Variants in C22orf15 observed in about 807,000 individuals in gnomAD.
C22orf15 encodes chromosome 22 open reading frame 15.
Under a neutral mutation model 20.3 loss-of-function variants are expected in C22orf15, and 21 were observed. The ratio of observed to expected loss-of-function variants is 1.04; its 90% CI spans 0.74 to 1.49. The LOEUF is 1.49. Ranked by LOEUF, C22orf15 falls within the 40% of genes most tolerant of loss-of-function variation. The probability of loss-of-function intolerance (pLI) is 0.00; values close to 1 mark genes in which losing one functional copy is unlikely to be tolerated. For missense variants in C22orf15, 170 were observed against 191.1 expected (o/e 0.89, Z 0.65); for synonymous variants, 78 against 75.4 (o/e 1.03, Z -0.18).
At position 23,764,278 on chromosome 22, in the gene C22orf15, C is replaced by A. The variant is rs1926264237; in HGVS notation, c.131C>A (p.Ala44Asp). 1 of 1,551,678 alleles carries A rather than the reference C, an allele frequency of 6.4e-7. No homozygotes were observed. The highest frequency in any genetic ancestry group is 1.7e-4 in the Middle Eastern group (1 of 5,992). The change falls in exon 3 of 6, where the codon GCT becomes GAT. Residue 44 changes from alanine (A) to aspartate (D), a missense_variant. By Grantham distance (126) the Ala-to-Asp change is moderately radical. Transcript: ENST00000402217. ...LPPDATIALL[A>D]EDGNLVSLEE... ...CTCCCAGCGACCATTGCTCTCCTGGCTGAGGATGGCAACCTAGTGAGCCTG... is the reference window on the plus strand; with the variant it reads ...CTCCCAGCGACCATTGCTCTCCTGGATGAGGATGGCAACCTAGTGAGCCTG...
Position 23,763,186 on chromosome 22 carries a change from C to A in C22orf15, c.-121C>A. On this transcript the variant is annotated 5_prime_UTR_variant, in exon 1 of 6. Coordinates refer to ENST00000402217, the MANE Select transcript of C22orf15 (RefSeq NM_182520.3). ...TGGGACCCAGCCATCCACACTCACA[C>A]ATCCACTTCTCCCTCCAGAGCCCGG... 2.9e-6 allele frequency: 4 copies of A among 1,359,866 alleles called. No individual in the cohort carries two copies. Among genetic ancestry groups the A allele is most frequent in the South Asian group, 1.3e-5 (1 of 78,624 alleles). 84.2% of individuals were successfully genotyped at this position (1,359,866 alleles called of 1,614,324 possible).
intron 5 of C22orf15, chr22:23,765,140 T>G: frequency 7.0e-7 from 1 of 1,434,962 alleles, no homozygotes; most frequent in Non-Finnish European, 9.1e-7. Flanking sequence ...GGCCGGAATG[T>G]CCTCAGGCTT....
At chr22:23,764,060 C>T in intron 1 of C22orf15, 27 bp from the exon 2 acceptor site, 2 of 1,547,496 alleles carry the variant, frequency 1.3e-6, no homozygotes, top group East Asian at 2.4e-5. Context: ...AGAGATCTCA[C>T]AGGCTCACCT....
At chr22:23,764,037 T>G (rs1360767654) in intron 1 of C22orf15, 50 bp from the exon 2 acceptor site, 4 of 1,527,840 alleles carry the variant, frequency 2.6e-6, no homozygotes, top group East Asian at 2.5e-5. Flanking sequence ...GGACCCCGAT[T>G]TGGAGGAAGG....
intron 5 of C22orf15, chr22:23,765,449 A>T (rs534165937): frequency 6.4e-7 from 1 of 1,550,966 alleles, no homozygotes; most frequent in African/African-American, 1.4e-5. Context: ...CATCAGCAAG[A>T]GGGGCAAGGT....
intron 1 of C22orf15, among the ~76,000 whole-genome samples, chr22:23,763,798 C>T (rs1220332591): frequency 6.6e-6 from 1 of 152,180 alleles, no homozygotes; most frequent in Non-Finnish European, 1.5e-5. Context: ...GGGGCGGGTC[C>T]CGGGAGGAGG....
chr22:23,764,033 C>T lies in C22orf15; in HGVS notation c.26-54C>T, dbSNP rs1332524162. ...GATGGGAGGGAGAGACAGAGGACCC[C>T]GATTTGGAGGAAGGTAAGAGATCTC... On this transcript the variant is annotated intron_variant, in intron 1 of 5. Transcript: ENST00000402217. The T allele has an allele frequency of 9.2e-6, 14 of 1,522,198 alleles. No homozygotes were observed. The African/African-American group carries it at 9.7e-5, about 11-fold the overall frequency. The allele number at this position is 1,522,198 out of a possible 1,614,324, so 94.3% of individuals were successfully genotyped here. A position where few individuals can be genotyped will look rare whatever the true frequency, so the allele number is the denominator to read the frequency against.
At position 23,764,260 on chromosome 22, in the gene C22orf15, C is replaced by G. The variant is rs374808343; in HGVS notation, c.113C>G (p.Ala38Gly). The change falls in exon 3 of 6, where the codon GCG becomes GGG. Residue 38 changes from alanine to glycine, a missense_variant and splice_region_variant. By Grantham distance (60) the Ala-to-Gly change is moderately conservative. Transcript: ENST00000402217. ...CCAGTCTCTCTCCATGTCCTCCCAGCGACCATTGCTCTCCTGGCTGAGGAT... is the reference window on the plus strand; with the variant it reads ...CCAGTCTCTCTCCATGTCCTCCCAGGGACCATTGCTCTCCTGGCTGAGGAT... ...LRQKAGLPPD[A>G]TIALLAEDGN... is the part of the protein sequence containing the mutation. 6.4e-7 allele frequency: 1 copy of G among 1,551,628 alleles called. No homozygotes were observed. The highest frequency in any genetic ancestry group is 1.2e-5 in the South Asian group (1 of 84,056).
chr22:23,763,718 C>A (rs1410357311), intron 1 of C22orf15, among the ~76,000 whole-genome samples: 1 of 152,222 alleles, frequency 6.6e-6, no homozygotes, highest in Non-Finnish European at 1.5e-5. Context: ...GGCGGGTCGG[C>A]CCTGTGCGGT....
At chr22:23,764,056 C>T in intron 1 of C22orf15, 31 bp from the exon 2 acceptor site, 1 of 1,546,608 alleles carries the variant, frequency 6.5e-7, no homozygotes, top group East Asian at 2.4e-5. Flanking sequence ...GGTAAGAGAT[C>T]TCACAGGCTC....
intron 3 of C22orf15, 110 bp downstream of exon 3, chr22:23,764,507 G>C: frequency 1.9e-6 from 3 of 1,561,410 alleles, no homozygotes; most frequent in Non-Finnish European, 2.6e-6. Context: ...CTCGGCTGGG[G>C]ACCTAGCCCC....
intron 5 of C22orf15, 141 bp downstream of exon 5, chr22:23,765,043 C>G: frequency 6.7e-7 from 1 of 1,487,300 alleles, no homozygotes; most frequent in Non-Finnish European, 8.9e-7. Flanking sequence ...CCCTCAACAC[C>G]AACTCCACGC....
At chr22:23,764,580 G>A in intron 3 of C22orf15, 59 bp from the exon 4 acceptor site, 1 of 1,586,948 alleles carries the variant, frequency 6.3e-7, no homozygotes, top group East Asian at 2.2e-5. Flanking sequence ...AGAGTGAGAG[G>A]CAGAGTAGGG....
intron 5 of C22orf15, chr22:23,765,516 G>A: frequency 1.3e-6 from 2 of 1,550,114 alleles, no homozygotes; most frequent in South Asian, 1.2e-5. Flanking sequence ...AGAATGGGAT[G>A]CAGAGGTAGA....
At chr22:23,763,939 T>G in intron 1 of C22orf15, 148 bp from the exon 2 acceptor site, 1 of 702,202 alleles carries the variant, frequency 1.4e-6, no homozygotes, top group Non-Finnish European at 2.4e-6. Context: ...AAGCAACAGA[T>G]GTTGGAGCTG....
intron 1 of C22orf15, among the ~76,000 whole-genome samples, chr22:23,763,791 G>A (rs1035806073): frequency 7.9e-5 from 12 of 152,236 alleles, no homozygotes; most frequent in African/African-American, 2.9e-4. Flanking sequence ...TCCCGTGGGG[G>A]CGGGTCCCGG....
At chr22:23,764,465 T>C (rs1008805169) in intron 3 of C22orf15, 68 bp downstream of exon 3, 4 of 1,606,726 alleles carry the variant, frequency 2.5e-6, no homozygotes, top group Admixed American at 1.7e-5. Flanking sequence ...TAGCAGACCA[T>C]AGACCACCCA....
Position 23,763,116 on chromosome 22 carries a change from C to A in C22orf15, c.-191C>A. ...GACTAGCTGCAGGGTTTGAGCTAGG[C>A]TGAAGCAGCAGAACCACAGAGGTGG... On this transcript the variant is annotated 5_prime_UTR_variant, in exon 1 of 6. It adds an upstream start codon to the 5' untranslated region. Coordinates refer to ENST00000402217, the MANE Select transcript of C22orf15 (RefSeq NM_182520.3). 1.4e-6 allele frequency: 1 copy of A among 695,814 alleles called. No homozygotes were observed. 43.1% of individuals were successfully genotyped at this position (695,814 alleles called of 1,614,324 possible).
At chr22:23,763,487 C>T (rs970599201) in intron 1 of C22orf15, among the ~76,000 whole-genome samples, 156 bp downstream of exon 1, 2 of 152,128 alleles carry the variant, frequency 1.3e-5, no homozygotes, top group South Asian at 2.1e-4. Context: ...TGTGAGGAGG[C>T]GAAGCCAGCA....
Sources: gnomAD v4.1 joint callset for allele counts (sites outside exome capture counted in the v4.1 genomes callset) on GRCh38, gnomAD v4.1.1 for gene constraint, MANE v1.5 for transcripts, NCBI Gene and HGNC (gene_info 2026-07-23, HGNC 2026-07-21) for gene names.